The following ABCF1 variants were observed in gnomAD, a reference collection of about 807,000 sequenced individuals.
ABCF1 encodes the protein ATP-binding cassette sub-family F member 1.
ABCF1 carries 73 observed loss-of-function variants against 126.3 expected under a neutral mutation model. The observed-to-expected ratio is 0.58, with a 90% CI of 0.48 to 0.70. The LOEUF (loss-of-function observed/expected upper bound fraction) is 0.70, where lower values mean the gene tolerates loss of function less well. ABCF1 is among the 30% of genes least tolerant of loss of function. The pLI, the probability that ABCF1 is intolerant of heterozygous loss-of-function variation, is 0.00. For synonymous variants in ABCF1, 345 were observed against 396.4 expected (o/e 0.87, Z 1.54); for missense variants, 786 against 1,057.5 (o/e 0.74, Z 3.56).
Position 30,582,496 on chromosome 6 carries a change from C to A in ABCF1, c.781C>A (p.Leu261Met), listed in dbSNP as rs1379017253. The A allele has an allele frequency of 1.9e-6, 3 of 1,612,556 alleles. No individual in the cohort carries two copies. Among genetic ancestry groups the A allele is most frequent in the Non-Finnish European group, 2.5e-6 (3 of 1,179,872 alleles). ...AHLSKKEKKK[L>M]KKQMEYERQV... ...TCTTAGCAAAAAGGAGAAGAAAAAG[C>A]TGAAAAAACAGGTAAGACCTTGGTT... is the stretch of plus-strand genomic sequence containing the variant. Residue 261 changes from leucine to methionine, a missense_variant, in exon 9 of 25, where the codon CTG becomes ATG. By Grantham distance (15) the Leu-to-Met change is conservative. Around this residue, in one of 4 missense-constraint regions of ABCF1, gnomAD observed 322 missense variants for 322.9 expected, o/e 1.00. Transcript: ENST00000326195.
intron 2 of ABCF1, 131 bp downstream of exon 2, chr6:30,577,586 C>T (rs770501006): frequency 6.7e-5 from 79 of 1,184,154 alleles, no homozygotes; most frequent in Non-Finnish European, 8.5e-5. Flanking sequence ...AGGCAGGGCA[C>T]GGTGGCTTAC....
intron 20 of ABCF1, among the ~76,000 whole-genome samples, chr6:30,588,513 T>C (rs957999815): frequency 6.6e-6 from 1 of 151,980 alleles, no homozygotes; most frequent in African/African-American, 2.4e-5. Flanking sequence ...AGGCGCGTGC[T>C]ACCACGCCCA....
chr6:30,585,383 C>T, intron 15 of ABCF1, 40 bp downstream of exon 15: 1 of 1,599,798 alleles, frequency 6.3e-7, no homozygotes, highest in African/African-American at 1.3e-5. Context: ...CCATTCTGCA[C>T]TTTCTTCCCC....
intron 6 of ABCF1, 120 bp from the exon 7 acceptor site, chr6:30,579,811 C>T (rs897680346): frequency 3.9e-5 from 36 of 923,186 alleles, no homozygotes; most frequent in Non-Finnish European, 4.9e-5. Flanking sequence ...TGCAACCTGT[C>T]GTAAATGGAG....
rs373484507 is a variant in ABCF1 at position 30,574,755 on chromosome 6, A to G, written c.74-2654A>G. Reference sequence around the variant, plus strand: ...TTTTTTGGGGAGGAGGAGGGCCCCAAACTTTGAAATGTGTTCTGGATGGAG... The same window carrying G: ...TTTTTTGGGGAGGAGGAGGGCCCCAGACTTTGAAATGTGTTCTGGATGGAG... On this transcript the variant is annotated intron_variant, in intron 1 of 24. Transcript: ENST00000326195. This position sits in a 1 kb window ranked among gnomAD's most constrained non-coding sequence, Gnocchi z 4.3. Among the ~76,000 whole-genome samples, 95 of 152,112 alleles carry G rather than the reference A, an allele frequency of 6.2e-4. No homozygotes were observed. Among genetic ancestry groups the G allele is most frequent in the African/African-American group, 2.2e-3 (90 of 41,500 alleles).
At position 30,578,183 on chromosome 6, in the gene ABCF1, C is replaced by T; in HGVS notation, c.324C>T (p.Thr108=). 1 of 1,613,912 alleles carries T rather than the reference C, an allele frequency of 6.2e-7. No individual in the cohort carries two copies. The highest frequency in any genetic ancestry group is 2.2e-5 in the East Asian group (1 of 44,878). The change falls in exon 4 of 25, where the codon ACC becomes ACT. Residue 108 remains threonine (T), a synonymous_variant. Coordinates refer to ENST00000326195, the MANE Select transcript of ABCF1 (RefSeq NM_001025091.2). The part of the protein sequence containing the change: ...MERLKKLSVP[T]SDEEDEVPAP... ...GTCTTAAGAAGCTCTCAGTGCCAAC[C>T]AGTGATGAGGAGGATGAAGGTAAAT... is the stretch of plus-strand genomic sequence containing the variant.
In ABCF1 at chr6:30,574,811, G is replaced by A. The variant is rs374683279; in HGVS notation, c.74-2598G>A. On this transcript the variant is annotated intron_variant, in intron 1 of 24. Transcript: ENST00000326195. This position sits in a 1 kb window ranked among gnomAD's most constrained non-coding sequence, Gnocchi z 4.3. ...AGATTAAGCAAAGACAGACATAAGC[G>A]TGCCTGGGACTTCATAAAGGAACAG... Among the ~76,000 whole-genome samples the A allele has an allele frequency of 7.2e-5, 11 of 152,168 alleles. No individual in the cohort carries two copies. Among genetic ancestry groups the A allele is most frequent in the Admixed American group, 3.9e-4 (6 of 15,270 alleles).
chr6:30,576,276 CTTTTT>C (rs9256927), intron 1 of ABCF1, among the ~76,000 whole-genome samples: 39 of 44,158 alleles, frequency 8.8e-4, no homozygotes, highest in African/African-American at 3.6e-3. Flanking sequence ...TCTGAGTGCT[CTTTTT>C]TTTTTTTTTT....
rs1425816230 is a variant in ABCF1 at position 30,585,691 on chromosome 6, G to T, written c.1600+9G>T. Reference sequence around the variant, plus strand: ...CTATAGGGGCAATTACAGTAAGTAGGATTGTGTGTGGATGCAGGGAAGAGA... The same window carrying T: ...CTATAGGGGCAATTACAGTAAGTAGTATTGTGTGTGGATGCAGGGAAGAGA... On this transcript the variant is annotated intron_variant, in intron 16 of 24. Coordinates refer to ENST00000326195, the MANE Select transcript of ABCF1 (RefSeq NM_001025091.2). 6.2e-7 allele frequency: 1 copy of T among 1,612,626 alleles called. No individual in the cohort carries two copies. Among genetic ancestry groups the T allele is most frequent in the Non-Finnish European group, 8.5e-7 (1 of 1,179,682 alleles).
chr6:30,591,418 G>A lies in ABCF1; in HGVS notation c.*717G>A, dbSNP rs1802450174. 1 of 152,144 alleles carries A rather than the reference G, an allele frequency of 6.6e-6. No individual in the cohort carries two copies. The highest frequency in any genetic ancestry group is 1.5e-5 in the Non-Finnish European group (1 of 68,080). 9.4% of individuals were successfully genotyped at this position (152,144 alleles called of 1,614,324 possible). A position where few individuals can be genotyped will look rare whatever the true frequency, so the allele number is the denominator to read the frequency against. On this transcript the variant is annotated 3_prime_UTR_variant, in exon 25 of 25. Transcript: ENST00000326195. Reference sequence around the variant, plus strand: ...AATAGTCCCCTCTTCCCCACTAAATGGATCTTGTTTGCAGTCTTGCTGACA... The same window carrying A: ...AATAGTCCCCTCTTCCCCACTAAATAGATCTTGTTTGCAGTCTTGCTGACA...
intron 20 of ABCF1, among the ~76,000 whole-genome samples, chr6:30,587,126 C>T (rs1802184169): frequency 1.3e-5 from 2 of 152,088 alleles, no homozygotes; most frequent in Non-Finnish European, 2.9e-5. Context: ...CGGTGGCGCG[C>T]ACCTATATCC....
Position 30,589,943 on chromosome 6 carries a change from C to T in ABCF1, c.2202C>T (p.His734=), listed in dbSNP as rs373981483. 2.2e-5 allele frequency: 35 copies of T among 1,613,826 alleles called. No individual in the cohort carries two copies. The African/African-American group carries it at 2.9e-4, about 14-fold the overall frequency. ...KCLGRFGLES[H]AHTIQICKLS... Reference sequence around the variant, plus strand: ...TGGGCCGCTTCGGCCTGGAGAGTCACGCCCACACCATCCAGATCTGCAAAC... The same window carrying T: ...TGGGCCGCTTCGGCCTGGAGAGTCATGCCCACACCATCCAGATCTGCAAAC... Residue 734 remains histidine (H), a synonymous_variant, in exon 22 of 25, where the codon CAC becomes CAT. Coordinates refer to ENST00000326195, the MANE Select transcript of ABCF1 (RefSeq NM_001025091.2).
In ABCF1 at chr6:30,590,565, T is replaced by C. The variant is rs747572370; in HGVS notation, c.2402T>C (p.Leu801Pro). The C allele has an allele frequency of 6.2e-7, 1 of 1,612,782 alleles. No homozygotes were observed. The highest frequency in any genetic ancestry group is 8.5e-7 in the Non-Finnish European group (1 of 1,179,908). ...AVIVVSHDAR[L>P]ITETNCQLWV... ...ATCGTTGTCAGCCATGATGCCCGAC[T>C]CATCACAGAAACCAATTGCCAGCTG... Residue 801 changes from leucine (L) to proline (P), a missense_variant, in exon 25 of 25, where the codon CTC becomes CCC. By Grantham distance (98) the Leu-to-Pro change is moderately conservative. Coordinates refer to ENST00000326195, the MANE Select transcript of ABCF1 (RefSeq NM_001025091.2).
Position 30,578,271 on chromosome 6 carries a change from ATCT to A in ABCF1, c.343+72_344-72del, listed in dbSNP as rs1801616628. On this transcript the variant is annotated intron_variant, in intron 4 of 24. Transcript: ENST00000326195. Reference sequence around the variant, plus strand: ...ATGGAGAGTGATACCTCATACCCTGATCTTCAAGTTGGATTCAATTGGGGGGCC... The same window carrying A: ...ATGGAGAGTGATACCTCATACCCTGATCAAGTTGGATTCAATTGGGGGGCC... 12 of 1,613,650 alleles carry A rather than the reference ATCT, an allele frequency of 7.4e-6. No individual in the cohort carries two copies. The South Asian group carries it at 1.3e-4, about 18-fold the overall frequency.
In ABCF1 at chr6:30,584,707, T is replaced by A; in HGVS notation, c.1391+141T>A. 1 of 1,220,568 alleles carries A rather than the reference T, an allele frequency of 8.2e-7. No individual in the cohort carries two copies. Among genetic ancestry groups the A allele is most frequent in the Non-Finnish European group, 1.1e-6 (1 of 896,968 alleles). 75.6% of individuals were successfully genotyped at this position (1,220,568 alleles called of 1,614,324 possible). A position where few individuals can be genotyped will look rare whatever the true frequency, so the allele number is the denominator to read the frequency against. On this transcript the variant is annotated intron_variant, in intron 14 of 24. Transcript: ENST00000326195. The surrounding 1 kb of genome is among the most constrained non-coding windows in gnomAD (Gnocchi z 4.6). ...CCTTACTATCTGTGTTGTGAGAACT[T>A]AGGGTCTTTCTCTATTTATCTCCCT...
chr6:30,581,819 A>G (rs1221725811), intron 8 of ABCF1, among the ~76,000 whole-genome samples: 1 of 152,210 alleles, frequency 6.6e-6, no homozygotes, highest in Non-Finnish European at 1.5e-5. Flanking sequence ...TGGGAGTTAC[A>G]TTTATAGGGA....
At position 30,583,577 on chromosome 6, in the gene ABCF1, C is replaced by T. The variant is rs1191935441; in HGVS notation, c.916-31C>T. On this transcript the variant is annotated intron_variant, in intron 10 of 24. Transcript: ENST00000326195. This position sits in a 1 kb window ranked among gnomAD's most constrained non-coding sequence, Gnocchi z 4.1. ...GAGAATTTTCATGTGATCATCCCTT[C>T]CCTCTGCCACCTCTTTCCTGATGGC... 1.2e-6 allele frequency: 2 copies of T among 1,608,424 alleles called. No individual in the cohort carries two copies. The highest frequency in any genetic ancestry group is 4.5e-5 in the East Asian group (2 of 44,856).
intron 9 of ABCF1, 148 bp downstream of exon 9, chr6:30,582,655 T>C (rs1183169293): frequency 1.1e-6 from 1 of 878,764 alleles, no homozygotes; most frequent in Non-Finnish European, 1.8e-6. Context: ...CTGTGAACCT[T>C]ATCTCAATGT....
Position 30,584,611 on chromosome 6 carries a change from CG to C in ABCF1, c.1391+49del. ...GCCCTCCCTTCCAGCCTCAGACCACCGGGGCCCTTTTCCTCTTTCCCTTCTC... is the reference window on the plus strand; with the variant it reads ...GCCCTCCCTTCCAGCCTCAGACCACCGGGCCCTTTTCCTCTTTCCCTTCTC... On this transcript the variant is annotated intron_variant, in intron 14 of 24. Coordinates refer to ENST00000326195, the MANE Select transcript of ABCF1 (RefSeq NM_001025091.2). This position sits in a 1 kb window ranked among gnomAD's most constrained non-coding sequence, Gnocchi z 4.6. 1 of 1,538,848 alleles carries C rather than the reference CG, an allele frequency of 6.5e-7. No individual in the cohort carries two copies. Among genetic ancestry groups the C allele is most frequent in the Non-Finnish European group, 8.7e-7 (1 of 1,147,940 alleles).
Sources: gnomAD v4.1 joint callset for allele counts (sites outside exome capture counted in the v4.1 genomes callset) on GRCh38, gnomAD v4.1.1 for gene constraint, gnomAD v4.1.1 regional missense constraint, Gnocchi (gnomAD v3.1) non-coding constraint, MANE v1.5 for transcripts, NCBI Gene and HGNC (gene_info 2026-07-23, HGNC 2026-07-21) for gene names.